The following CENPI variants were observed in gnomAD, a reference collection of about 807,000 sequenced individuals.
CENPI encodes the protein centromere protein I, also known as FSH primary response 1.
In CENPI, 4 loss-of-function variants were observed where a neutral mutation model predicts 60.4. The observed-to-expected ratio is 0.07, with a 90% CI of 0.03 to 0.15. The LOEUF is 0.15. Ranked by LOEUF, CENPI falls within the 10% of genes least tolerant of loss-of-function variation. The probability of loss-of-function intolerance (pLI) is 1.00; values close to 1 mark genes in which losing one functional copy is unlikely to be tolerated. For synonymous variants in CENPI, 157 were observed against 189.4 expected, an observed-to-expected ratio of 0.83 and a Z score of 1.40; for missense variants, 444 against 534.5, an observed-to-expected ratio of 0.83 and a Z score of 1.67.
intron 15 of CENPI, among the ~76,000 whole-genome samples, chrX:101,134,278 GA>G: frequency 9.0e-6 from 1 of 111,581 alleles, no homozygotes; most frequent in East Asian, 2.8e-4. Context: ...CTGGGGAGAG[GA>G]TGCATGGATA....
At chrX:101,120,279 G>T in intron 6 of CENPI, 123 bp from the exon 7 acceptor site, 5 of 372,500 alleles carry the variant, frequency 1.3e-5, no homozygotes, top group Non-Finnish European at 2.4e-5. Context: ...TAAAACTATT[G>T]TTCAGTGAAG....
the CENPI span, among the ~76,000 whole-genome samples, chrX:101,177,868 A>G: frequency 7.1e-5 from 8 of 112,232 alleles, no homozygotes; most frequent in South Asian, 3.0e-3. Flanking sequence ...ATGGGGCTCC[A>G]AAGATGTGGA....
intron 16 of CENPI, chrX:101,141,355 T>C (rs11798509): frequency 2.7e-5 from 3 of 110,586 alleles, no homozygotes; most frequent in African/African-American, 9.8e-5. Flanking sequence ...ATATATATAT[T>C]TTTTGAGACA....
chrX:101,121,285 ATTTAT>A (rs1308713708), intron 8 of CENPI, among the ~76,000 whole-genome samples: 1 of 109,924 alleles, frequency 9.1e-6, no homozygotes, highest in Non-Finnish European at 1.9e-5. Context: ...TGAGAGAATT[ATTTAT>A]TTTATTTTTA....
intron 16 of CENPI, among the ~76,000 whole-genome samples, chrX:101,144,488 A>T (rs1167953374): frequency 9.3e-6 from 1 of 107,145 alleles, no homozygotes; most frequent in Non-Finnish European, 1.9e-5. Context: ...GGCTCAAGTG[A>T]TCCTCCCACC....
At chrX:101,181,303 C>G in the CENPI span, among the ~76,000 whole-genome samples, 1 of 111,586 alleles carries the variant, frequency 9.0e-6, no homozygotes, top group South Asian at 3.8e-4. Context: ...CCTTACATTT[C>G]CATATGAAGT....
At chrX:101,105,582 A>AT (rs1162089907) in intron 4 of CENPI, among the ~76,000 whole-genome samples, 4 of 110,378 alleles carry the variant, frequency 3.6e-5, no homozygotes, top group Admixed American at 9.7e-5. Context: ...TATTTTAGAA[A>AT]TTTTTTTTTC....
the CENPI span, among the ~76,000 whole-genome samples, chrX:101,181,786 CTAAT>C: frequency 9.0e-6 from 1 of 111,692 alleles, no homozygotes; most frequent in South Asian, 3.7e-4. Flanking sequence ...ATTTTCCTGA[CTAAT>C]TATCCTGGCT....
intron 6 of CENPI, among the ~76,000 whole-genome samples, chrX:101,117,264 G>A (rs1332724209): frequency 9.0e-6 from 1 of 111,479 alleles, no homozygotes; most frequent in Non-Finnish European, 1.9e-5. Context: ...GCGATGGCGC[G>A]ATCTTGGCTC....
intron 20 of CENPI, among the ~76,000 whole-genome samples, chrX:101,159,346 TAG>T (rs2090084898): frequency 9.2e-6 from 1 of 108,374 alleles, no homozygotes; most frequent in Non-Finnish European, 1.9e-5. Context: ...TATTTTTTAG[TAG>T]AGAGGGGGTT....
chrX:101,167,244 T>G (rs1469204182), downstream of CENPI, among the ~76,000 whole-genome samples: 2 of 111,981 alleles, frequency 1.8e-5, no homozygotes, highest in Non-Finnish European at 3.8e-5. Flanking sequence ...ACAGATTGCT[T>G]GAGCCTTTTT....
At chrX:101,131,790 G>T (rs1041103537) in intron 13 of CENPI, among the ~76,000 whole-genome samples, 1 of 111,743 alleles carries the variant, frequency 8.9e-6, no homozygotes, top group Non-Finnish European at 1.9e-5. Context: ...AGATGGAGCT[G>T]CTCAGAGTTG....
intron 20 of CENPI, among the ~76,000 whole-genome samples, chrX:101,152,204 A>G (rs2090013744): frequency 9.3e-6 from 1 of 107,505 alleles, no homozygotes; most frequent in Non-Finnish European, 1.9e-5. Context: ...CTGGGATTAC[A>G]GGCACGTGCC....
chrX:101,144,187 A>T (rs1206527441), intron 16 of CENPI, among the ~76,000 whole-genome samples: 3 of 102,379 alleles, frequency 2.9e-5, no homozygotes, highest in African/African-American at 1.1e-4. Context: ...TCCTGAAGCA[A>T]TTCTCCTGCC....
chrX:101,140,674 G>T lies in CENPI; in HGVS notation c.1479G>T (p.Val493=), dbSNP rs2273380. The T allele has an allele frequency of 0.24, 286,139 of 1,183,636 alleles. 25,179 individuals carry two copies. Among genetic ancestry groups the T allele is most frequent in the African/African-American group, 0.41 (23,205 of 56,184 alleles). The stretch of plus-strand genomic sequence containing the variant: ...CATTTTGTCCCCCTCAGTGTAGTGT[G>T]CTTCAGAGTCTGAAAGAGCTATTGC... ...FTSTIYFKCS[V]LQSLKELLQN... The change falls in exon 16 of 22, where the codon GTG becomes GTT. Residue 493 remains valine, a synonymous_variant. Coordinates refer to ENST00000682095, the MANE Select transcript of CENPI (RefSeq NM_001386188.2).
chrX:101,131,080 C>T (rs747308290), intron 13 of CENPI, among the ~76,000 whole-genome samples: 29 of 111,322 alleles, frequency 2.6e-4, no homozygotes, highest in Non-Finnish European at 4.3e-4. Flanking sequence ...GCCTTGACCT[C>T]CTGGGCTCAA....
In CENPI at chrX:101,165,606, G is replaced by A. The variant is rs1289033448; in HGVS notation, c.*2639G>A. ...GAAAATTAATTTGGGAGTCATTAGG[G>A]AATAACCATGACTTTGGATGAGATC... On this transcript the variant is annotated 3_prime_UTR_variant, in exon 22 of 22. Transcript: ENST00000682095. Among the ~76,000 whole-genome samples the A allele has an allele frequency of 9.0e-6, 1 of 111,472 alleles. No homozygotes were observed. The highest frequency in any genetic ancestry group is 9.6e-5 in the Admixed American group (1 of 10,383).
chrX:101,174,376 A>G, the CENPI span, among the ~76,000 whole-genome samples: 1 of 112,278 alleles, frequency 8.9e-6, no homozygotes, highest in African/African-American at 3.2e-5. Context: ...TCGTGTGTTC[A>G]TTGCAGCACT....
chrX:101,171,304 A>T, the CENPI span, among the ~76,000 whole-genome samples: 1 of 110,513 alleles, frequency 9.0e-6, no homozygotes, highest in African/African-American at 3.3e-5. Context: ...TTATAAAACA[A>T]TTTTTTTTAA....
Sources: allele counts gnomAD v4.1 joint callset (sites outside exome capture counted in the v4.1 genomes callset), GRCh38; gene constraint gnomAD v4.1.1; transcripts MANE v1.5; gene names NCBI Gene and HGNC (gene_info 2026-07-23, HGNC 2026-07-21).